PARD3: variants seen among roughly 807,000 people sequenced by gnomAD.
PARD3 encodes the protein partitioning defective 3 homolog.
PARD3 carries 75 observed loss-of-function variants against 155.4 expected under a neutral mutation model. The ratio of observed to expected loss-of-function variants is 0.48; its 90% confidence interval spans 0.40 to 0.58. The LOEUF is 0.58. Among genes scored for constraint, PARD3 ranks in the 20% least tolerant of loss-of-function variants. The pLI is 0.00. For missense variants in PARD3, 1,642 were observed against 1,721.7 expected (o/e 0.95, Z 0.82); for synonymous variants, 576 against 610.5 (o/e 0.94, Z 0.83).
intron 22 of PARD3, among the ~76,000 whole-genome samples, chr10:34,174,717 A>G (rs749722928): frequency 1.5e-4 from 23 of 152,226 alleles, no homozygotes; most frequent in Non-Finnish European, 2.8e-4. Flanking sequence ...AGGTGCCTCA[A>G]TATTCTCAAA....
intron 1 of PARD3, among the ~76,000 whole-genome samples, chr10:34,737,578 A>T (rs1466351700): frequency 2.0e-5 from 3 of 152,196 alleles, no homozygotes; most frequent in Admixed American, 2.0e-4. Flanking sequence ...GCTGAAACTT[A>T]ATCCCCAACG....
chr10:34,578,919 G>A lies in PARD3; in HGVS notation c.223-61760C>T, dbSNP rs533323582. On this transcript the variant is annotated intron_variant, in intron 2 of 24. Coordinates refer to ENST00000374788, the MANE Select transcript of PARD3 (RefSeq NM_001184785.2). The stretch of plus-strand genomic sequence containing the variant: ...ACTTATAGGTAGAGGTGTTGAGGAA[G>A]ATGGAGGGGAGCTAGATAGCCTAAG... Among the ~76,000 whole-genome samples the A allele has an allele frequency of 2.6e-5, 4 of 152,340 alleles. No homozygotes were observed. In the South Asian group the frequency reaches 8.3e-4, roughly 32 times the overall value.
In PARD3 at chr10:34,424,544, T is replaced by G. The variant is rs143739563; in HGVS notation, c.715-22627A>C. On this transcript the variant is annotated intron_variant, in intron 5 of 24. Coordinates refer to ENST00000374788, the MANE Select transcript of PARD3 (RefSeq NM_001184785.2). ...TATTTATTTATTTTGAGACAGAGTC[T>G]TGCTCTGTCACCCAGGCTGGAGTGC... is the stretch of plus-strand genomic sequence containing the variant. Among the ~76,000 whole-genome samples, 208 of 152,250 alleles carry G rather than the reference T, an allele frequency of 1.4e-3. 1 individual carries two copies. The highest frequency in any genetic ancestry group is 4.6e-3 in the African/African-American group (192 of 41,548).
chr10:34,561,990 T>C (rs2085516077), intron 2 of PARD3, among the ~76,000 whole-genome samples: 1 of 145,894 alleles, frequency 6.9e-6, no homozygotes, highest in Non-Finnish European at 1.5e-5. Flanking sequence ...AAAAATTAGC[T>C]GGGTATGGTG....
rs537758614 is a variant in PARD3 at position 34,549,725 on chromosome 10, C to G, written c.223-32566G>C. ...TTTTTAAAATTTTCATGCTACTATC[C>G]TCAAACAGGAATAAATTTCATTGAA... On this transcript the variant is annotated intron_variant, in intron 2 of 24. Coordinates refer to ENST00000374788, the MANE Select transcript of PARD3 (RefSeq NM_001184785.2). 2.6e-5 allele frequency among the ~76,000 whole-genome samples: 4 copies of G among 152,136 alleles called. No homozygotes were observed. In the East Asian group the frequency reaches 7.7e-4, roughly 29 times the overall value.
intron 2 of PARD3, among the ~76,000 whole-genome samples, chr10:34,645,160 TTTTTATTTTATTTTA>T (rs3065320): frequency 6.0e-5 from 9 of 150,130 alleles, no homozygotes; most frequent in African/African-American, 2.2e-4. Flanking sequence ...GCCAACACTA[TTTTTATTTTATTTTA>T]TTTTATTTTA....
At chr10:34,542,202 G>GGTGTGTGT (rs1186576618) in intron 2 of PARD3, among the ~76,000 whole-genome samples, 6 of 65,696 alleles carry the variant, frequency 9.1e-5, no homozygotes, top group Non-Finnish European at 1.7e-4. Flanking sequence ...GGTTGTTTGG[G>GGTGTGTGT]GTGTGTGTGT....
intron 1 of PARD3, among the ~76,000 whole-genome samples, chr10:34,808,838 T>A (rs1485737649): frequency 1.3e-5 from 2 of 150,438 alleles, no homozygotes; most frequent in Non-Finnish European, 2.9e-5. Context: ...GCGCTTCACA[T>A]CCGCCAGATT....
intron 1 of PARD3, among the ~76,000 whole-genome samples, chr10:34,778,313 C>T (rs570696504): frequency 2.0e-5 from 3 of 152,262 alleles, no homozygotes; most frequent in South Asian, 2.1e-4. Context: ...CTAAATCCCT[C>T]GGGCCAAGGA....
chr10:34,613,924 T>C (rs2091080478), intron 2 of PARD3, among the ~76,000 whole-genome samples: 1 of 152,214 alleles, frequency 6.6e-6, no homozygotes, highest in South Asian at 2.1e-4. Flanking sequence ...AGCAAATCTT[T>C]TCCTGAACTA....
At chr10:34,690,683 G>A (rs575524704) in intron 2 of PARD3, among the ~76,000 whole-genome samples, 62 of 152,220 alleles carry the variant, frequency 4.1e-4, no homozygotes, top group African/African-American at 1.4e-3. Context: ...GCCACGCCTC[G>A]CTAGCTCTAT....
At chr10:34,663,821 C>T (rs77010549) in intron 2 of PARD3, 3 of 151,280 alleles carry the variant, frequency 2.0e-5, no homozygotes, top group African/African-American at 7.3e-5. Context: ...AAAAAAAAAA[C>T]AGAACATGTA....
chr10:34,814,171 C>T (rs1453097338), intron 1 of PARD3, among the ~76,000 whole-genome samples: 1 of 152,196 alleles, frequency 6.6e-6, no homozygotes, highest in East Asian at 1.9e-4. Context: ...CAGAGCCCAG[C>T]AAGTGGGATC....
chr10:34,464,467 T>C (rs1213033597), intron 4 of PARD3, among the ~76,000 whole-genome samples: 2 of 152,222 alleles, frequency 1.3e-5, no homozygotes, highest in African/African-American at 4.8e-5. Context: ...CTAATAGCTT[T>C]AAAAATGTTC....
At chr10:34,437,108 T>C (rs1255873465) in intron 5 of PARD3, among the ~76,000 whole-genome samples, 1 of 152,134 alleles carries the variant, frequency 6.6e-6, no homozygotes, top group African/African-American at 2.4e-5. Flanking sequence ...TTAATCCCCC[T>C]ATAGTCTGAA....
chr10:34,593,313 A>G (rs1171567451), intron 2 of PARD3, among the ~76,000 whole-genome samples: 1 of 152,224 alleles, frequency 6.6e-6, no homozygotes, highest in South Asian at 2.1e-4. Context: ...ATATATGCAT[A>G]TACATTTAAA....
At chr10:34,210,142 A>T (rs1472913805) in intron 22 of PARD3, among the ~76,000 whole-genome samples, 1 of 152,212 alleles carries the variant, frequency 6.6e-6, no homozygotes, top group East Asian at 1.9e-4. Flanking sequence ...ACTTCCCAAC[A>T]TATAACATAT....
intron 4 of PARD3, among the ~76,000 whole-genome samples, chr10:34,455,177 G>A (rs2077269090): frequency 6.6e-6 from 1 of 152,038 alleles, no homozygotes; most frequent in Admixed American, 6.6e-5. Flanking sequence ...ACCCAACTAT[G>A]TTTCCACCTC....
chr10:34,704,890 A>T lies in PARD3; in HGVS notation c.121-8471T>A, dbSNP rs181670836. On this transcript the variant is annotated intron_variant, in intron 1 of 24. Transcript: ENST00000374788. ...ATAAAGTCCTAGTTAGTGATATAAC[A>T]AATAGAAAACATTTCATTTTTTTGT... Among the ~76,000 whole-genome samples, 360 of 152,362 alleles carry T rather than the reference A, an allele frequency of 2.4e-3. 1 individual carries two copies. The highest frequency in any genetic ancestry group is 7.4e-3 in the African/African-American group (308 of 41,596).
Sources: allele counts gnomAD v4.1 joint callset (sites outside exome capture counted in the v4.1 genomes callset), GRCh38; gene constraint gnomAD v4.1.1; transcripts MANE v1.5; gene names NCBI Gene and HGNC (gene_info 2026-07-23, HGNC 2026-07-21).